The following PHF24 variants were observed in gnomAD, a reference collection of about 807,000 sequenced individuals.
The protein encoded by PHF24 is PHD finger protein 24.
PHF24 carries 25 observed loss-of-function variants against 42.6 expected under a neutral mutation model. That is an observed-to-expected ratio of 0.59 (90% confidence interval 0.43 to 0.82). The LOEUF (loss-of-function observed/expected upper bound fraction) is 0.82. Among genes scored for constraint, PHF24 ranks in the 40% least tolerant of loss-of-function variants. The pLI, the probability that PHF24 is intolerant of heterozygous loss-of-function variation, is 0.00. For missense variants in PHF24, 470 were observed against 538.1 expected (o/e 0.87, Z 1.25); for synonymous variants, 185 against 204.8 (o/e 0.90, Z 0.83).
the PHF24 span, among the ~76,000 whole-genome samples, chr9:34,873,221 T>G: frequency 6.6e-6 from 1 of 152,048 alleles, no homozygotes; most frequent in South Asian, 2.1e-4. Context: ...AGATCCCATT[T>G]GTCAATTTTG....
the PHF24 span, among the ~76,000 whole-genome samples, chr9:34,875,952 T>TCG: frequency 9.3e-5 from 2 of 21,554 alleles, no homozygotes; most frequent in African/African-American, 3.0e-4. Flanking sequence ...ACACACACAC[T>TCG]CTCTCTCTCT....
At chr9:34,976,880 C>G in intron 5 of PHF24, 140 bp downstream of exon 5, 1 of 904,320 alleles carries the variant, frequency 1.1e-6, no homozygotes, top group Non-Finnish European at 1.7e-6. Flanking sequence ...CATCCAGTGA[C>G]AGATGATCTG....
At chr9:34,847,404 C>T in the PHF24 span, among the ~76,000 whole-genome samples, 3 of 152,138 alleles carry the variant, frequency 2.0e-5, no homozygotes, top group Non-Finnish European at 4.4e-5. Context: ...CTCTGTTTGT[C>T]TGTTATTGGT....
the PHF24 span, among the ~76,000 whole-genome samples, chr9:34,937,655 A>AAAAAAAAG: frequency 6.6e-6 from 1 of 151,860 alleles, no homozygotes; most frequent in Admixed American, 6.6e-5. Context: ...TTTAAAAAAA[A>AAAAAAAAG]AAATGAAAAT....
the PHF24 span, among the ~76,000 whole-genome samples, chr9:34,887,120 AT>A: frequency 5.9e-5 from 9 of 151,272 alleles, no homozygotes; most frequent in South Asian, 6.3e-4. Flanking sequence ...CATCCTTGAC[AT>A]TTTTTTTTCT....
chr9:34,976,198 C>T (rs761867623), exon 4 of PHF24: 46 of 1,613,922 alleles, frequency 2.9e-5, no homozygotes, highest in Middle Eastern at 1.6e-4. Context: ...TATAGCCTCA[C>T]GGAGACCTTT....
At chr9:34,973,914 A>G (rs776932401) in intron 3 of PHF24, among the ~76,000 whole-genome samples, 9 of 151,952 alleles carry the variant, frequency 5.9e-5, no homozygotes, top group Non-Finnish European at 1.2e-4. Context: ...TCCTACCATC[A>G]TTGCCACCAT....
intron 1 of PHF24, among the ~76,000 whole-genome samples, chr9:34,960,587 A>G (rs956474982): frequency 6.6e-6 from 1 of 152,202 alleles, no homozygotes; most frequent in Non-Finnish European, 1.5e-5. Flanking sequence ...ACCTGAAGAT[A>G]TGATCTTTGT....
chr9:34,923,289 T>C, the PHF24 span, among the ~76,000 whole-genome samples: 19 of 152,200 alleles, frequency 1.2e-4, no homozygotes, highest in African/African-American at 4.3e-4. Flanking sequence ...TTTGCATCAA[T>C]GTTCATCAGA....
the PHF24 span, among the ~76,000 whole-genome samples, chr9:34,769,328 C>G: frequency 1.3e-5 from 2 of 152,092 alleles, no homozygotes; most frequent in Non-Finnish European, 2.9e-5. Context: ...ACCATGTTGG[C>G]CAGGCTGGTC....
the PHF24 span, among the ~76,000 whole-genome samples, chr9:34,938,316 A>G: frequency 6.6e-6 from 1 of 152,222 alleles, no homozygotes; most frequent in African/African-American, 2.4e-5. Flanking sequence ...TGTTACCTCA[A>G]GAACTGAGGC....
the PHF24 span, among the ~76,000 whole-genome samples, chr9:34,776,971 A>G: frequency 6.6e-6 from 1 of 152,186 alleles, no homozygotes; most frequent in African/African-American, 2.4e-5. Context: ...TGTATGATTT[A>G]TTTGGCTGTA....
At chr9:34,918,335 T>C in the PHF24 span, 1 of 807,344 alleles carries the variant, frequency 1.2e-6, no homozygotes, top group East Asian at 2.5e-5. Flanking sequence ...CTCCTAGTTC[T>C]TCATCCCACT....
At chr9:34,694,873 A>G in the PHF24 span, among the ~76,000 whole-genome samples, 1 of 152,208 alleles carries the variant, frequency 6.6e-6, no homozygotes, top group Non-Finnish European at 1.5e-5. Context: ...TAATCTCTTA[A>G]ATTGTCCCTT....
At chr9:34,938,934 C>CAAA in the PHF24 span, among the ~76,000 whole-genome samples, 16 of 63,412 alleles carry the variant, frequency 2.5e-4, no homozygotes, top group Middle Eastern at 0.015. Context: ...GAGACTCCAT[C>CAAA]AAAAAAAAAA....
At chr9:34,812,947 C>G in the PHF24 span, among the ~76,000 whole-genome samples, 8 of 152,182 alleles carry the variant, frequency 5.3e-5, no homozygotes, top group Non-Finnish European at 1.2e-4. Context: ...TGCCCCATCC[C>G]CCACCTGACA....
the PHF24 span, among the ~76,000 whole-genome samples, chr9:34,721,738 TCA>T: frequency 1.3e-5 from 2 of 152,270 alleles, no homozygotes; most frequent in Non-Finnish European, 1.5e-5. Context: ...TCCACTCCAG[TCA>T]CACCTTCATC....
the PHF24 span, among the ~76,000 whole-genome samples, chr9:34,790,500 T>C: frequency 1.3e-5 from 2 of 152,184 alleles, no homozygotes; most frequent in African/African-American, 4.8e-5. Flanking sequence ...TATAAGTACT[T>C]AGCAATCTAA....
At chr9:34,683,343 G>A in the PHF24 span, among the ~76,000 whole-genome samples, 2 of 152,260 alleles carry the variant, frequency 1.3e-5, no homozygotes, top group South Asian at 2.1e-4. Context: ...TTAAAGGCGT[G>A]AGCCACCATG....
Sources: gnomAD v4.1 joint callset for allele counts (sites outside exome capture counted in the v4.1 genomes callset) on GRCh38, gnomAD v4.1.1 for gene constraint, MANE v1.5 for transcripts, NCBI Gene and HGNC (gene_info 2026-07-23, HGNC 2026-07-21) for gene names.